The following R3HDM2 variants were observed in gnomAD, a reference collection of about 807,000 sequenced individuals.
R3HDM2 encodes the protein R3H domain-containing protein 2.
Under a neutral mutation model 124.5 loss-of-function variants are expected in R3HDM2, and 38 were observed. That is an observed-to-expected ratio of 0.31 (90% CI 0.24 to 0.40). The LOEUF is 0.40. Among genes scored for constraint, R3HDM2 ranks in the 10% least tolerant of loss-of-function variants. The pLI is 1.00. For missense variants in R3HDM2, 869 were observed against 1,236.9 expected, an observed-to-expected ratio of 0.70 and a Z score of 4.46; for synonymous variants, 391 against 448.0, an observed-to-expected ratio of 0.87 and a Z score of 1.61.
chr12:57,302,774 T>C (rs1281787255), intron 4 of R3HDM2, among the ~76,000 whole-genome samples: 1 of 117,212 alleles, frequency 8.5e-6, no homozygotes. Context: ...GGATTTATCA[T>C]AAAGAAAACT....
chr12:57,353,891 T>C (rs2060948488), intron 2 of R3HDM2, among the ~76,000 whole-genome samples: 1 of 152,216 alleles, frequency 6.6e-6, no homozygotes, highest in Non-Finnish European at 1.5e-5. Context: ...AGTCTCGCTC[T>C]GTCACCCAGG....
chr12:57,413,761 AC>A (rs1423849052), intron 1 of R3HDM2, among the ~76,000 whole-genome samples: 2 of 151,534 alleles, frequency 1.3e-5, no homozygotes, highest in Non-Finnish European at 2.9e-5. Context: ...AACAACAACA[AC>A]AAAAAAAACA....
chr12:57,415,973 T>C (rs967083607), intron 1 of R3HDM2, among the ~76,000 whole-genome samples: 7 of 152,162 alleles, frequency 4.6e-5, no homozygotes, highest in African/African-American at 1.7e-4. Context: ...TGGGGGTAAG[T>C]TGTAAAGCAT....
At chr12:57,275,051 C>G (rs1257295453) in intron 14 of R3HDM2, among the ~76,000 whole-genome samples, 2 of 152,142 alleles carry the variant, frequency 1.3e-5, no homozygotes, top group Non-Finnish European at 2.9e-5. Context: ...AGGCAACATA[C>G]TACCTGATTT....
At chr12:57,268,053 A>T (rs2042857996) in intron 18 of R3HDM2, 1 of 315,250 alleles carries the variant, frequency 3.2e-6, no homozygotes, top group Admixed American at 4.7e-5. Context: ...TTCTTTTGAA[A>T]AATAAAAATG....
chr12:57,330,550 G>C (rs545651430), intron 2 of R3HDM2, among the ~76,000 whole-genome samples: 1 of 146,952 alleles, frequency 6.8e-6, no homozygotes, highest in Non-Finnish European at 1.5e-5. Flanking sequence ...TCACCATGTT[G>C]GTCAGGCTGG....
rs1430474707 is a variant in R3HDM2, at chr12:57,255,075, C to T, written c.2671G>A (p.Gly891Ser). Residue 891 changes from glycine to serine, a missense_variant, in exon 24 of 24, where the codon GGC (glycine) becomes AGC (serine). This residue lies in a region of R3HDM2 where 602 missense variants were observed against 789.2 expected (regional missense o/e 0.76). Coordinates refer to ENST00000402412, the MANE Select transcript of R3HDM2 (RefSeq NM_001394031.1). ...RVLEVTDLPE[G>S]ITRTEADKLF... is the part of the protein sequence containing the mutation. ...TTGTCCGCCTCAGTACGGGTGATGC[C>T]CTCAGGGAGATCTGTCACCTCCAGC... 1 of 1,607,216 alleles carries T rather than the reference C, an allele frequency of 6.2e-7. No individual in the cohort carries two copies. The highest frequency in any genetic ancestry group is 8.5e-7 in the Non-Finnish European group (1 of 1,176,258).
chr12:57,391,550 T>C (rs1389957305), intron 2 of R3HDM2, among the ~76,000 whole-genome samples: 1 of 152,192 alleles, frequency 6.6e-6, no homozygotes, highest in Admixed American at 6.5e-5. Flanking sequence ...TCACACATTA[T>C]GAAATTCAAA....
chr12:57,354,583 T>A (rs1185070264), intron 2 of R3HDM2, among the ~76,000 whole-genome samples: 1 of 151,794 alleles, frequency 6.6e-6, no homozygotes, highest in African/African-American at 2.4e-5. Context: ...AGTGAGCCAC[T>A]GCACCCTGCC....
At position 57,283,831 on chromosome 12, in the gene R3HDM2, G is replaced by A. The variant is rs1346594175; in HGVS notation, c.1164C>T (p.Ser388=). ...GAAAAGAAGCTGTAATACCTGGCCT[G>A]GAGATCCTTCCCGCACTGCCGCCTT... ...SSKGGSAGRI[S]RPGMALGAPE... The change falls in exon 13 of 24, where the codon TCC becomes TCT. Residue 388 remains serine (S), a synonymous_variant. Coordinates refer to ENST00000402412, the MANE Select transcript of R3HDM2 (RefSeq NM_001394031.1). 6.2e-7 allele frequency: 1 copy of A among 1,614,126 alleles called. No homozygotes were observed. The highest frequency in any genetic ancestry group is 1.7e-5 in the Admixed American group (1 of 60,020).
chr12:57,396,856 C>T (rs551704962), intron 1 of R3HDM2, among the ~76,000 whole-genome samples: 80 of 151,972 alleles, frequency 5.3e-4, no homozygotes, highest in Non-Finnish European at 7.1e-4. Context: ...CTTTGGGAGG[C>T]CAAAGCAGGT....
At chr12:57,306,510 G>A in intron 3 of R3HDM2, among the ~76,000 whole-genome samples, 1 of 152,086 alleles carries the variant, frequency 6.6e-6, no homozygotes, top group African/African-American at 2.4e-5. Flanking sequence ...CTGGGTTCAA[G>A]CGATTCTCCT....
intron 2 of R3HDM2, among the ~76,000 whole-genome samples, chr12:57,373,422 C>T (rs1278234073): frequency 3.9e-5 from 6 of 151,998 alleles, no homozygotes; most frequent in Non-Finnish European, 8.8e-5. Flanking sequence ...ATGGCATGAC[C>T]CCAGAGGCGG....
At chr12:57,272,401 A>T in intron 14 of R3HDM2, 1 of 1,433,444 alleles carries the variant, frequency 7.0e-7, no homozygotes, top group Non-Finnish European at 9.6e-7. Flanking sequence ...AGACATACCT[A>T]CAGATACAGG....
At chr12:57,291,230 AGACAGTATTTTTCTAAACTAATGATGAT>A (rs1169031805) in intron 11 of R3HDM2, among the ~76,000 whole-genome samples, 1 of 152,056 alleles carries the variant, frequency 6.6e-6, no homozygotes, top group Non-Finnish European at 1.5e-5. Context: ...TTTTAGTTGG[AGACAGTATTTTTCTAAACTAATGATGAT>A]GATGAAAAAA....
chr12:57,267,215 TAAA>T (rs959963657), intron 18 of R3HDM2, among the ~76,000 whole-genome samples: 8 of 141,202 alleles, frequency 5.7e-5, no homozygotes, highest in Non-Finnish European at 1.2e-4. Context: ...AAGAGATGGG[TAAA>T]AAAAAAAAAC....
chr12:57,288,781 A>G, intron 12 of R3HDM2: 4 of 1,282,098 alleles, frequency 3.1e-6, no homozygotes, highest in South Asian at 1.3e-5. Flanking sequence ...GAGCAAACCC[A>G]CTCTGCTGAA....
At chr12:57,314,251 G>A (rs1239533803) in intron 2 of R3HDM2, among the ~76,000 whole-genome samples, 1 of 151,372 alleles carries the variant, frequency 6.6e-6, no homozygotes, top group East Asian at 1.9e-4. Flanking sequence ...AGGCCGAGGC[G>A]GTTGGATAAC....
chr12:57,349,934 C>T (rs1307825850), intron 2 of R3HDM2, among the ~76,000 whole-genome samples: 3 of 150,888 alleles, frequency 2.0e-5, no homozygotes, highest in Non-Finnish European at 4.4e-5. Flanking sequence ...TAAACTCAAC[C>T]GGGCACAATG....
Sources: allele counts gnomAD v4.1 joint callset (sites outside exome capture counted in the v4.1 genomes callset), GRCh38; gene constraint gnomAD v4.1.1; regional missense constraint gnomAD v4.1.1; transcripts MANE v1.5; gene names NCBI Gene and HGNC (gene_info 2026-07-23, HGNC 2026-07-21).